The following GRID1 variants were observed in gnomAD, a reference collection of about 807,000 sequenced individuals.
GRID1 encodes the protein glutamate receptor ionotropic, delta-1.
Under a neutral mutation model 98.0 loss-of-function variants are expected in GRID1, and 28 were observed. The observed-to-expected ratio is 0.29, with a 90% CI of 0.21 to 0.39. The LOEUF is 0.39. Ranked by LOEUF, GRID1 falls within the 10% of genes least tolerant of loss-of-function variation. The pLI, the probability that GRID1 is intolerant of heterozygous loss-of-function variation, is 1.00. For missense variants in GRID1, 1,111 were observed against 1,340.5 expected (o/e 0.83, Z 2.67); for synonymous variants, 553 against 538.5 (o/e 1.03, Z -0.37).
At chr10:86,229,018 G>A (rs924281231) in intron 2 of GRID1, among the ~76,000 whole-genome samples, 11 of 152,184 alleles carry the variant, frequency 7.2e-5, no homozygotes, top group African/African-American at 2.7e-4. Context: ...CTCACAGTAG[G>A]GAGGGGCTGC....
intron 4 of GRID1, among the ~76,000 whole-genome samples, chr10:85,983,066 A>G (rs1842565278): frequency 6.6e-6 from 1 of 152,240 alleles, no homozygotes; most frequent in Admixed American, 6.5e-5. Context: ...ATTTCTGGAA[A>G]CTGGAGTGTG....
chr10:85,914,471 G>A (rs1430848486), intron 5 of GRID1, among the ~76,000 whole-genome samples: 1 of 152,110 alleles, frequency 6.6e-6, no homozygotes, highest in Non-Finnish European at 1.5e-5. Context: ...GATCAAGGCA[G>A]TCTCTCACAG....
chr10:86,142,959 G>C (rs144309173), intron 3 of GRID1, among the ~76,000 whole-genome samples: 1 of 152,234 alleles, frequency 6.6e-6, no homozygotes, highest in Non-Finnish European at 1.5e-5. Context: ...ACATGCAAAC[G>C]GGAGGACATA....
chr10:86,331,215 G>T (rs17106589), intron 2 of GRID1, among the ~76,000 whole-genome samples: 1 of 152,140 alleles, frequency 6.6e-6, no homozygotes, highest in Non-Finnish European at 1.5e-5. Flanking sequence ...TCTGCCAGCC[G>T]CCCAGAGTAT....
intron 3 of GRID1, among the ~76,000 whole-genome samples, chr10:86,167,559 C>T (rs1845418331): frequency 6.6e-6 from 1 of 152,162 alleles, no homozygotes; most frequent in Admixed American, 6.5e-5. Flanking sequence ...GCGGGCTTTC[C>T]AGCAGCAGCC....
intron 4 of GRID1, among the ~76,000 whole-genome samples, chr10:85,920,591 A>G (rs1308129339): frequency 6.6e-6 from 1 of 152,230 alleles, no homozygotes; most frequent in Non-Finnish European, 1.5e-5. Flanking sequence ...ACAGCTTTGC[A>G]AAGTGGTGGG....
At chr10:86,059,281 G>T (rs1051440659) in intron 4 of GRID1, among the ~76,000 whole-genome samples, 1 of 152,170 alleles carries the variant, frequency 6.6e-6, no homozygotes. Flanking sequence ...GTGAGAGAGG[G>T]TAGACAAAAG....
Position 85,684,035 on chromosome 10 carries a change from T to C in GRID1, c.1998-36638A>G, listed in dbSNP as rs577968110. 2.0e-5 allele frequency among the ~76,000 whole-genome samples: 3 copies of C among 152,352 alleles called. No individual in the cohort carries two copies. The East Asian group carries it at 5.8e-4, about 29-fold the overall frequency. On this transcript the variant is annotated intron_variant, in intron 12 of 15. Coordinates refer to ENST00000327946, the MANE Select transcript of GRID1 (RefSeq NM_017551.3). Reference sequence around the variant, plus strand: ...TTCCAGAACAGGCCATAAAGTGTTATTTCCCTTTACGTGGAAACTTCAGAA... The same window carrying C: ...TTCCAGAACAGGCCATAAAGTGTTACTTCCCTTTACGTGGAAACTTCAGAA...
At chr10:85,923,790 TTGGTGCA>T (rs1347664935) in intron 4 of GRID1, among the ~76,000 whole-genome samples, 1 of 152,164 alleles carries the variant, frequency 6.6e-6, no homozygotes, top group Admixed American at 6.5e-5. Flanking sequence ...TCATAGGTGT[TTGGTGCA>T]AAAACAACAG....
At chr10:85,892,670 T>C (rs1447515496) in intron 5 of GRID1, among the ~76,000 whole-genome samples, 1 of 151,848 alleles carries the variant, frequency 6.6e-6, no homozygotes. Context: ...ATCTAAATAG[T>C]CCTAGATCTG....
intron 4 of GRID1, among the ~76,000 whole-genome samples, chr10:86,102,993 A>G (rs1370227694): frequency 4.6e-5 from 7 of 152,072 alleles, no homozygotes; most frequent in Non-Finnish European, 1.0e-4. Context: ...CTGCCATGTA[A>G]GACATGCCTT....
At chr10:85,854,471 G>A (rs761683461) in intron 8 of GRID1, 25 bp downstream of exon 8, 22 of 1,611,420 alleles carry the variant, frequency 1.4e-5, no homozygotes, top group Admixed American at 8.3e-5. Context: ...CAGGAAGATT[G>A]GAAGACAGGG....
At chr10:86,319,721 C>T (rs900802134) in intron 2 of GRID1, among the ~76,000 whole-genome samples, 2 of 152,206 alleles carry the variant, frequency 1.3e-5, no homozygotes, top group Admixed American at 1.3e-4. Flanking sequence ...CTGGTGTCTG[C>T]AGAAGTTGCT....
intron 4 of GRID1, among the ~76,000 whole-genome samples, chr10:85,972,201 G>T (rs1042557071): frequency 3.3e-5 from 5 of 150,702 alleles, no homozygotes; most frequent in Admixed American, 3.3e-4. Flanking sequence ...GGCTCATAGT[G>T]AGCTTGAATA....
At chr10:86,233,155 G>A (rs1253765901) in intron 2 of GRID1, among the ~76,000 whole-genome samples, 1 of 151,974 alleles carries the variant, frequency 6.6e-6, no homozygotes, top group Non-Finnish European at 1.5e-5. Flanking sequence ...GAGCGTTTTA[G>A]GGAAAGCTGA....
intron 8 of GRID1, among the ~76,000 whole-genome samples, chr10:85,831,955 A>G (rs1403976207): frequency 2.0e-5 from 3 of 152,082 alleles, no homozygotes; most frequent in South Asian, 2.1e-4. Context: ...AAGAACAAAG[A>G]TTAATAAAAA....
intron 3 of GRID1, among the ~76,000 whole-genome samples, chr10:86,174,521 C>A (rs957289145): frequency 1.3e-5 from 2 of 151,830 alleles, no homozygotes; most frequent in Non-Finnish European, 2.9e-5. Context: ...AAACATTAGA[C>A]CTAAAACCAT....
At chr10:85,743,646 C>T (rs1200242848) in intron 8 of GRID1, among the ~76,000 whole-genome samples, 1 of 152,022 alleles carries the variant, frequency 6.6e-6, no homozygotes, top group Non-Finnish European at 1.5e-5. Context: ...AAAGAAGCTA[C>T]TTTTGTTATT....
intron 3 of GRID1, among the ~76,000 whole-genome samples, chr10:86,196,859 G>C (rs540100894): frequency 4.0e-5 from 6 of 151,640 alleles, no homozygotes; most frequent in Non-Finnish European, 8.8e-5. Flanking sequence ...GACTCCATAG[G>C]AAGCATATAT....
Sources: gnomAD v4.1 joint callset for allele counts (sites outside exome capture counted in the v4.1 genomes callset) on GRCh38, gnomAD v4.1.1 for gene constraint, MANE v1.5 for transcripts, NCBI Gene and HGNC (gene_info 2026-07-23, HGNC 2026-07-21) for gene names.